Variants in GPR89B observed in about 807,000 individuals in gnomAD.
GPR89B encodes G protein-coupled receptor 89B.
A neutral mutation model predicts 52.4 loss-of-function variants in GPR89B; 25 were observed. That is an observed-to-expected ratio of 0.48 (90% CI 0.35 to 0.67). The LOEUF is 0.67. Among genes scored for constraint, GPR89B ranks in the 30% least tolerant of loss-of-function variants. GPR89B has a pLI of 0.01. For missense variants in GPR89B, 146 were observed against 450.2 expected (o/e 0.32, Z 6.11); for synonymous variants, 52 against 151.2 (o/e 0.34, Z 4.81).
intron 5 of GPR89B, among the ~76,000 whole-genome samples, chr1:147,951,326 T>C (rs1655672503): frequency 6.6e-6 from 1 of 152,066 alleles, no homozygotes; most frequent in Non-Finnish European, 1.5e-5. Context: ...AGGTGCTTGG[T>C]GAATATTACC....
At chr1:147,979,200 G>A (rs1463004174) in intron 10 of GPR89B, among the ~76,000 whole-genome samples, 1 of 151,928 alleles carries the variant, frequency 6.6e-6, no homozygotes, top group South Asian at 2.1e-4. Context: ...CCCAATGAGA[G>A]AACCTGGTTA....
chr1:147,975,601 A>C (rs1657776450), intron 10 of GPR89B, among the ~76,000 whole-genome samples: 1 of 152,208 alleles, frequency 6.6e-6, no homozygotes, highest in Non-Finnish European at 1.5e-5. Context: ...CTTTTCAAAA[A>C]ACTGGCTCCT....
Position 147,948,309 on chromosome 1 carries a change from T to C in GPR89B, c.415+4211T>C, listed in dbSNP as rs1655181357. Among the ~76,000 whole-genome samples, 3 of 151,802 alleles carry C rather than the reference T, an allele frequency of 2.0e-5. No individual in the cohort carries two copies. The South Asian group carries it at 6.2e-4, about 32-fold the overall frequency. ...GGTGTATTCAAGGAAAGGCAAGAGA[T>C]AGAATGGAAAGTAATCGTATAGTGT... On this transcript the variant is annotated intron_variant, in intron 5 of 13. Coordinates refer to ENST00000314163, the MANE Select transcript of GPR89B (RefSeq NM_016334.5).
At chr1:148,007,317 C>T in the GPR89B span, among the ~76,000 whole-genome samples, 9 of 152,210 alleles carry the variant, frequency 5.9e-5, no homozygotes, top group East Asian at 3.9e-4. Context: ...CCTTAAGATC[C>T]GCCTGCCTCG....
At chr1:147,984,738 G>A (rs1349858924) in intron 10 of GPR89B, among the ~76,000 whole-genome samples, 10 of 145,924 alleles carry the variant, frequency 6.9e-5, no homozygotes, top group South Asian at 2.2e-4. Flanking sequence ...AAATGCTTTC[G>A]AGTTTCCCTT....
At chr1:147,999,952 T>A in the GPR89B span, among the ~76,000 whole-genome samples, 5 of 152,208 alleles carry the variant, frequency 3.3e-5, no homozygotes, top group Non-Finnish European at 7.3e-5. Flanking sequence ...CCAAGTATGG[T>A]CTGACCAAGT....
At chr1:147,931,704 ATAAT>A (rs1249970888) in intron 1 of GPR89B, among the ~76,000 whole-genome samples, 2 of 151,970 alleles carry the variant, frequency 1.3e-5, no homozygotes, top group African/African-American at 2.4e-5. Context: ...GTAGTACTCA[ATAAT>A]TAGTTTTTCA....
chr1:148,020,461 TC>T, the GPR89B span, among the ~76,000 whole-genome samples: 4 of 151,336 alleles, frequency 2.6e-5, no homozygotes, highest in Admixed American at 2.0e-4. Flanking sequence ...GCTGCACAGC[TC>T]GGGGTCAGGA....
At chr1:148,013,877 G>A in the GPR89B span, among the ~76,000 whole-genome samples, 18,358 of 151,924 alleles carry the variant, frequency 0.12, 1,430 homozygotes, top group African/African-American at 0.2. Context: ...GAGGAGGCCG[G>A]TTGAGATATG....
At chr1:147,968,800 A>G (rs1657217539) in intron 8 of GPR89B, 75 bp from the exon 9 acceptor site, 5 of 1,611,356 alleles carry the variant, frequency 3.1e-6, no homozygotes, top group Non-Finnish European at 4.2e-6. Context: ...AGGAAAAACT[A>G]AAAGTATATG....
At chr1:147,976,723 A>T (rs1180314610) in intron 10 of GPR89B, among the ~76,000 whole-genome samples, 51 of 152,068 alleles carry the variant, frequency 3.4e-4, no homozygotes, top group Non-Finnish European at 6.8e-4. Flanking sequence ...TTGTTATTGT[A>T]GTTGCTTCAT....
chr1:147,987,999 A>T (rs1378061153), intron 11 of GPR89B, among the ~76,000 whole-genome samples: 1 of 152,202 alleles, frequency 6.6e-6, no homozygotes, highest in African/African-American at 2.4e-5. Flanking sequence ...CATTTATCAC[A>T]GTAAAACTGT....
intron 12 of GPR89B, among the ~76,000 whole-genome samples, chr1:147,991,203 T>C (rs1659040582): frequency 6.6e-6 from 1 of 151,580 alleles, no homozygotes; most frequent in Non-Finnish European, 1.5e-5. Context: ...TTATTCTCTT[T>C]GAAGCAATTG....
intron 10 of GPR89B, among the ~76,000 whole-genome samples, chr1:147,970,968 A>G (rs1366727718): frequency 1.3e-5 from 2 of 151,290 alleles, no homozygotes; most frequent in East Asian, 1.9e-4. Context: ...AATTTTGATC[A>G]ATGTAGATGA....
chr1:147,998,968 T>C, the GPR89B span, among the ~76,000 whole-genome samples: 1 of 151,170 alleles, frequency 6.6e-6, no homozygotes, highest in Non-Finnish European at 1.5e-5. Context: ...TGCTAGAGGG[T>C]TGTGTTTTAC....
At chr1:148,000,026 G>A in the GPR89B span, among the ~76,000 whole-genome samples, 1 of 152,166 alleles carries the variant, frequency 6.6e-6, no homozygotes, top group Admixed American at 6.5e-5. Flanking sequence ...TACCATATTT[G>A]GATGGGACAA....
the GPR89B span, among the ~76,000 whole-genome samples, chr1:148,018,345 G>A: frequency 6.9e-6 from 1 of 145,792 alleles, no homozygotes; most frequent in Non-Finnish European, 1.5e-5. Context: ...CATGAACCTG[G>A]GAGGCAGAGC....
the GPR89B span, among the ~76,000 whole-genome samples, chr1:148,002,642 G>C: frequency 1.3e-5 from 2 of 151,982 alleles, no homozygotes; most frequent in South Asian, 4.2e-4. Flanking sequence ...GCTGGTTTTT[G>C]TTCTTCTCCC....
chr1:147,957,731 C>G (rs1656219943), intron 7 of GPR89B, among the ~76,000 whole-genome samples: 1 of 151,820 alleles, frequency 6.6e-6, no homozygotes, highest in Admixed American at 6.6e-5. Flanking sequence ...TATAGTAAGA[C>G]CCATAGTCAA....
Sources: allele counts gnomAD v4.1 joint callset (sites outside exome capture counted in the v4.1 genomes callset), GRCh38; gene constraint gnomAD v4.1.1; transcripts MANE v1.5; gene names NCBI Gene and HGNC (gene_info 2026-07-23, HGNC 2026-07-21).